RPE65: variants seen among roughly 807,000 people sequenced by gnomAD.
RPE65 encodes retinoid isomerohydrolase.
Under a neutral mutation model 68.5 loss-of-function variants are expected in RPE65, and 58 were observed. The ratio of observed to expected loss-of-function variants is 0.85; its 90% CI spans 0.69 to 1.05. The LOEUF is 1.05. Among genes scored for constraint, RPE65 ranks in the 50% least tolerant of loss-of-function variants. The pLI is 0.00. For missense variants in RPE65, 643 were observed against 629.9 expected, an observed-to-expected ratio of 1.02 and a Z score of -0.22; for synonymous variants, 220 against 222.2, an observed-to-expected ratio of 0.99 and a Z score of 0.09.
Position 68,439,038 on chromosome 1 carries a change from T to C in RPE65, c.902A>G (p.Asn301Ser), listed in dbSNP as rs201075875. 8.9e-5 allele frequency: 144 copies of C among 1,614,030 alleles called. No homozygotes were observed. Among genetic ancestry groups the C allele is most frequent in the Non-Finnish European group, 1.2e-4 (137 of 1,180,006 alleles). ...IADKKRKKYL[N>S]NKYRTSPFNL... is the part of the protein sequence containing the mutation. The stretch of plus-strand genomic sequence containing the variant: ...GAAAGGAGAAGTTCTGTATTTATTA[T>C]TGAGGTACTTTTTCCTTTTTTTGTC... The change falls in exon 9 of 14, where the codon AAT becomes AGT. Residue 301 changes from asparagine (N) to serine (S), a missense_variant. Coordinates refer to ENST00000262340, the MANE Select transcript of RPE65 (RefSeq NM_000329.3).
At chr1:68,442,751 A>G (rs1645911930) in intron 5 of RPE65, among the ~76,000 whole-genome samples, 1 of 152,218 alleles carries the variant, frequency 6.6e-6, no homozygotes, top group Non-Finnish European at 1.5e-5. Context: ...TTCCCTATCA[A>G]AGTCAAATGA....
Position 68,429,632 on chromosome 1 carries a change from T to A in RPE65, c.*144A>T, listed in dbSNP as rs1358701959. ...AGGAATTGCTTGCTCAACTCAGTGC[T>A]TTCTGTAAAACATTGCAAAATTGTG... On this transcript the variant is annotated 3_prime_UTR_variant, in exon 14 of 14. Coordinates refer to ENST00000262340, the MANE Select transcript of RPE65 (RefSeq NM_000329.3). The A allele has an allele frequency of 1.1e-6, 1 of 916,884 alleles. No homozygotes were observed. The highest frequency in any genetic ancestry group is 1.7e-6 in the Non-Finnish European group (1 of 589,008). The allele number at this position is 916,884 out of a possible 1,614,324, so 56.8% of individuals were successfully genotyped here.
intron 13 of RPE65, among the ~76,000 whole-genome samples, chr1:68,430,556 T>C (rs1300981563): frequency 2.0e-5 from 3 of 152,212 alleles, no homozygotes; most frequent in Non-Finnish European, 4.4e-5. Flanking sequence ...GAGAAGCAGT[T>C]AACTAACACT....
At chr1:68,436,229 G>A (rs188681656) in intron 10 of RPE65, among the ~76,000 whole-genome samples, 1 of 152,112 alleles carries the variant, frequency 6.6e-6, no homozygotes, top group East Asian at 1.9e-4. Flanking sequence ...TTTTGGGAAT[G>A]CTCAACTACA....
intron 10 of RPE65, among the ~76,000 whole-genome samples, chr1:68,433,973 G>A (rs1222079377): frequency 2.0e-5 from 3 of 151,966 alleles, no homozygotes; most frequent in Non-Finnish European, 4.4e-5. Flanking sequence ...GGAAGTTCCT[G>A]GTGGAAATTG....
chr1:68,446,291 AAGCATCACAAT>A (rs1645942863), intron 3 of RPE65, among the ~76,000 whole-genome samples: 1 of 152,042 alleles, frequency 6.6e-6, no homozygotes, highest in Non-Finnish European at 1.5e-5. Flanking sequence ...TAATAATAAC[AAGCATCACAAT>A]AGCTATTATT....
rs778912170 is a variant in RPE65, at chr1:68,429,902, G to A, written c.1476C>T (p.Ser492=). Reference sequence around the variant, plus strand: ...AAGCAGGCTTTTGTCCTGCTCCTGGGCTCACCACCACACTCAGAACTACAC... The same window carrying A: ...AAGCAGGCTTTTGTCCTGCTCCTGGACTCACCACCACACTCAGAACTACAC... ...DDGVVLSVVV[S]PGAGQKPAYL... Residue 492 remains serine (S), a synonymous_variant, in exon 14 of 14, where the codon AGC becomes AGT. Coordinates refer to ENST00000262340, the MANE Select transcript of RPE65 (RefSeq NM_000329.3). 1 of 1,613,732 alleles carries A rather than the reference G, an allele frequency of 6.2e-7. No homozygotes were observed. Among genetic ancestry groups the A allele is most frequent in the Non-Finnish European group, 8.5e-7 (1 of 1,179,800 alleles).
chr1:68,435,474 G>A (rs940295466), intron 10 of RPE65, among the ~76,000 whole-genome samples: 3 of 151,896 alleles, frequency 2.0e-5, no homozygotes, highest in African/African-American at 4.8e-5. Flanking sequence ...AACCTTCACT[G>A]TCTTTCCATT....
Position 68,438,336 on chromosome 1 carries a change from A to T in RPE65, c.999-20T>A. On this transcript the variant is annotated intron_variant, in intron 9 of 13. Transcript: ENST00000262340. ...TCAAATCTGCAAAAATAAAAAGTCA[A>T]ACATGAGCACAGGCAATGACAAATA... 1 of 1,610,790 alleles carries T rather than the reference A, an allele frequency of 6.2e-7. No homozygotes were observed. Among genetic ancestry groups the T allele is most frequent in the Non-Finnish European group, 8.5e-7 (1 of 1,179,416 alleles).
intron 1 of RPE65, 100 bp downstream of exon 1, chr1:68,449,795 C>T: frequency 7.2e-7 from 1 of 1,385,718 alleles, no homozygotes; most frequent in Non-Finnish European, 1.0e-6. Flanking sequence ...CTTTCCTAAA[C>T]AGGTCATTAA....
intron 9 of RPE65, among the ~76,000 whole-genome samples, chr1:68,438,522 C>G (rs182466411): frequency 2.0e-5 from 3 of 152,228 alleles, no homozygotes; most frequent in East Asian, 1.9e-4. Flanking sequence ...GTTTAAGTAA[C>G]AGCAGCCTTG....
intron 10 of RPE65, among the ~76,000 whole-genome samples, chr1:68,433,431 T>C (rs1174084834): frequency 6.6e-6 from 1 of 152,120 alleles, no homozygotes; most frequent in African/African-American, 2.4e-5. Flanking sequence ...AGATCAGCTC[T>C]GGATAGGAAG....
At chr1:68,434,085 A>C in intron 10 of RPE65, among the ~76,000 whole-genome samples, 1 of 136,740 alleles carries the variant, frequency 7.3e-6, no homozygotes, top group African/African-American at 2.9e-5. Flanking sequence ...AGTCGAGGGC[A>C]TGAGGGATAT....
chr1:68,446,450 C>T (rs1215066373), intron 3 of RPE65, among the ~76,000 whole-genome samples: 2 of 152,120 alleles, frequency 1.3e-5, no homozygotes, highest in Non-Finnish European at 2.9e-5. Flanking sequence ...CCAAGGTTAC[C>T]CTCCTAGGCA....
chr1:68,441,932 A>G (rs536234910), intron 5 of RPE65, among the ~76,000 whole-genome samples: 1 of 152,294 alleles, frequency 6.6e-6, no homozygotes, highest in South Asian at 2.1e-4. Context: ...CAGGCACTGT[A>G]TCAGGGCTCA....
In RPE65 at chr1:68,446,790, C is replaced by T. The variant is rs375272714; in HGVS notation, c.165G>A (p.Glu55=). The change falls in exon 3 of 14, where the codon GAG becomes GAA. Residue 55 remains glutamate (E), a synonymous_variant. Coordinates refer to ENST00000262340, the MANE Select transcript of RPE65 (RefSeq NM_000329.3). ...GCCCATCAAACAGGTGGTAAAATGG[C>T]TCAGATCCAACTTCAAAGAGTCCTG... ...CGPGLFEVGS[E]PFYHLFDGQA... 71 of 1,614,044 alleles carry T rather than the reference C, an allele frequency of 4.4e-5. No individual in the cohort carries two copies. Among genetic ancestry groups the T allele is most frequent in the Non-Finnish European group, 5.4e-5 (64 of 1,180,036 alleles).
chr1:68,430,659 C>T (rs1557595544), intron 13 of RPE65, among the ~76,000 whole-genome samples: 3 of 152,254 alleles, frequency 2.0e-5, no homozygotes, highest in South Asian at 2.1e-4. Flanking sequence ...CAAATGAAAA[C>T]TATTCACAGA....
Position 68,440,862 on chromosome 1 carries a change from G to C in RPE65, c.634C>G (p.Leu212Val), listed in dbSNP as rs1020549411. 1 of 1,613,868 alleles carries C rather than the reference G, an allele frequency of 6.2e-7. No homozygotes were observed. Among genetic ancestry groups the C allele is most frequent in the African/African-American group, 1.3e-5 (1 of 74,914 alleles). Reference sequence around the variant, plus strand: ...AGATTGGTAAACTCACCTGCTTGCAGTGGTGGGATCTTTACAATGTTGTAG... The same window carrying C: ...AGATTGGTAAACTCACCTGCTTGCACTGGTGGGATCTTTACAATGTTGTAG... Reference protein sequence around the residue: ...IAYNIVKIPPLQADKEDPISK... With the variant: ...IAYNIVKIPPVQADKEDPISK... The change falls in exon 6 of 14, where the codon CTG becomes GTG. Residue 212 changes from leucine (L) to valine (V), a missense_variant. Coordinates refer to ENST00000262340, the MANE Select transcript of RPE65 (RefSeq NM_000329.3).
At chr1:68,442,207 T>C (rs1003450167) in intron 5 of RPE65, among the ~76,000 whole-genome samples, 23 of 152,200 alleles carry the variant, frequency 1.5e-4, no homozygotes, top group Non-Finnish European at 2.6e-4. Flanking sequence ...AAGCGCCATC[T>C]AGCCCAGACT....
Sources: gnomAD v4.1 joint callset for allele counts (sites outside exome capture counted in the v4.1 genomes callset) on GRCh38, gnomAD v4.1.1 for gene constraint, MANE v1.5 for transcripts, NCBI Gene and HGNC (gene_info 2026-07-23, HGNC 2026-07-21) for gene names.